Variants in CDC42EP4 observed in about 807,000 individuals in gnomAD.
The protein encoded by CDC42EP4 is CDC42 effector protein (Rho GTPase binding) 4.
Under a neutral mutation model 5.6 loss-of-function variants are expected in CDC42EP4, and 6 were observed. The observed-to-expected ratio is 1.07, with a 90% CI of 0.59 to 2.12. The LOEUF (loss-of-function observed/expected upper bound fraction) is 2.12. CDC42EP4 is among the 30% of genes most tolerant of loss of function. The pLI, the probability that CDC42EP4 is intolerant of heterozygous loss-of-function variation, is 0.00. For synonymous variants in CDC42EP4, 230 were observed against 224.2 expected, an observed-to-expected ratio of 1.03 and a Z score of -0.23; for missense variants, 490 against 508.6, an observed-to-expected ratio of 0.96 and a Z score of 0.35.
At chr17:73,305,400 C>T (rs1397443426) in intron 1 of CDC42EP4, among the ~76,000 whole-genome samples, 1 of 152,212 alleles carries the variant, frequency 6.6e-6, no homozygotes, top group Non-Finnish European at 1.5e-5. Context: ...GAGGAAAGTG[C>T]CGCGCTTGAA....
At chr17:73,303,489 C>T (rs966534312) in intron 1 of CDC42EP4, among the ~76,000 whole-genome samples, 8 of 152,040 alleles carry the variant, frequency 5.3e-5, no homozygotes, top group African/African-American at 1.9e-4. Flanking sequence ...TGGTGAGACC[C>T]TGTCTCTACT....
intron 1 of CDC42EP4, chr17:73,307,419 A>T (rs2062249058): frequency 6.7e-6 from 1 of 150,008 alleles, no homozygotes; most frequent in Non-Finnish European, 1.5e-5. Flanking sequence ...GGAATGTGGG[A>T]GACTAATGTC....
intron 1 of CDC42EP4, among the ~76,000 whole-genome samples, chr17:73,308,460 T>G (rs2062255937): frequency 6.6e-6 from 1 of 152,000 alleles, no homozygotes; most frequent in Admixed American, 6.6e-5. Flanking sequence ...CTCCTCTGAG[T>G]CTGCAGAACC....
intron 1 of CDC42EP4, chr17:73,307,298 C>A (rs766841639): frequency 1.3e-5 from 2 of 152,198 alleles, no homozygotes; most frequent in Non-Finnish European, 2.9e-5. Context: ...GAGCCCAGAG[C>A]TGCAAGCTGG....
At chr17:73,289,167 G>A (rs2062148473) in intron 1 of CDC42EP4, among the ~76,000 whole-genome samples, 1 of 152,162 alleles carries the variant, frequency 6.6e-6, no homozygotes, top group Non-Finnish European at 1.5e-5. Flanking sequence ...GGCTGATAGG[G>A]TTTTTGTCAC....
intron 1 of CDC42EP4, among the ~76,000 whole-genome samples, chr17:73,302,352 T>C (rs1402119376): frequency 6.6e-6 from 1 of 152,228 alleles, no homozygotes; most frequent in East Asian, 1.9e-4. Context: ...ACCACTGACA[T>C]GAAACATCTC....
At chr17:73,294,076 C>T (rs563787353) in intron 1 of CDC42EP4, among the ~76,000 whole-genome samples, 16 of 152,280 alleles carry the variant, frequency 1.1e-4, no homozygotes, top group Non-Finnish European at 1.5e-4. Flanking sequence ...CAAGGCCGGG[C>T]GTGGTGGCTC....
At position 73,286,377 on chromosome 17, in the gene CDC42EP4, G is replaced by A. The variant is rs138387953; in HGVS notation, c.124C>T (p.Arg42Trp). The A allele has an allele frequency of 6.2e-6, 10 of 1,613,950 alleles. No homozygotes were observed. Among genetic ancestry groups the A allele is most frequent in the East Asian group, 4.5e-5 (2 of 44,894 alleles). ...GDFRHTMHVG[R>W]AGDAFGDTSF... ...GTGTCCCCAAAGGCGTCTCCGGCCCGGCCAACGTGCATGGTGTGGCGGAAG... is the reference window on the plus strand; with the variant it reads ...GTGTCCCCAAAGGCGTCTCCGGCCCAGCCAACGTGCATGGTGTGGCGGAAG... The change falls in exon 2 of 2, where the codon CGG (arginine) becomes TGG (tryptophan). Residue 42 changes from arginine (R) to tryptophan (W), a missense_variant. Arg to Trp is a moderately radical substitution (Grantham distance 101). Coordinates refer to ENST00000335793, the MANE Select transcript of CDC42EP4 (RefSeq NM_012121.5). This position sits in a 1 kb window ranked among gnomAD's most constrained non-coding sequence, Gnocchi z 7.7.
chr17:73,305,998 C>T (rs1330207719), intron 1 of CDC42EP4, among the ~76,000 whole-genome samples: 5 of 152,280 alleles, frequency 3.3e-5, no homozygotes, highest in East Asian at 3.9e-4. Flanking sequence ...AGGAAACCCT[C>T]GGATCTGGTT....
intron 1 of CDC42EP4, among the ~76,000 whole-genome samples, chr17:73,290,918 G>A (rs942160021): frequency 1.3e-5 from 2 of 152,224 alleles, no homozygotes; most frequent in Non-Finnish European, 2.9e-5. Flanking sequence ...GAAGCTGCAG[G>A]TCACTGTGGC....
rs1462283076 is a variant in CDC42EP4 at position 73,284,717 on chromosome 17, T to C, written c.*713A>G. The C allele has an allele frequency of 6.6e-6, 1 of 152,248 alleles. No individual in the cohort carries two copies. The highest frequency in any genetic ancestry group is 2.4e-5 in the African/African-American group (1 of 41,464). The allele number at this position is 152,248 out of a possible 1,614,324, so 9.4% of individuals were successfully genotyped here. A position where few individuals can be genotyped will look rare whatever the true frequency, so the allele number is the denominator to read the frequency against. ...AAAGAACAAACAAGCCCCTAGGGACTGAGCGAGTGCCCTAGCCCTGTTCCT... is the reference window on the plus strand; with the variant it reads ...AAAGAACAAACAAGCCCCTAGGGACCGAGCGAGTGCCCTAGCCCTGTTCCT... On this transcript the variant is annotated 3_prime_UTR_variant, in exon 2 of 2. Transcript: ENST00000335793.
rs1276609139 is a variant in CDC42EP4, at chr17:73,294,818, C to CT, written c.-112-8207dup. Reference sequence around the variant, plus strand: ...ATCCCAGTGGATTTTCTTTTTCTTTCTTTTTTTTGAGACAGAGTTTCGCTC... The same window carrying CT: ...ATCCCAGTGGATTTTCTTTTTCTTTCTTTTTTTTTGAGACAGAGTTTCGCTC... On this transcript the variant is annotated intron_variant, in intron 1 of 1. Transcript: ENST00000335793. 4.0e-5 allele frequency among the ~76,000 whole-genome samples: 6 copies of CT among 151,688 alleles called. No individual in the cohort carries two copies. In the East Asian group the frequency reaches 7.8e-4, roughly 20 times the overall value.
intron 1 of CDC42EP4, among the ~76,000 whole-genome samples, chr17:73,290,715 G>A (rs2062157309): frequency 6.6e-6 from 1 of 152,198 alleles, no homozygotes. Context: ...GCAGGGAGGC[G>A]GGTGTGGATG....
intron 1 of CDC42EP4, among the ~76,000 whole-genome samples, chr17:73,308,816 C>G (rs987632068): frequency 2.6e-5 from 4 of 151,858 alleles, no homozygotes; most frequent in Non-Finnish European, 4.4e-5. Flanking sequence ...GGGTGGATTG[C>G]CTGAGTTCAG....
At chr17:73,296,126 C>G (rs1399970478) in intron 1 of CDC42EP4, among the ~76,000 whole-genome samples, 1 of 151,108 alleles carries the variant, frequency 6.6e-6, no homozygotes, top group Non-Finnish European at 1.5e-5. Context: ...TGGCTCACGC[C>G]TGTAATCCCA....
intron 1 of CDC42EP4, among the ~76,000 whole-genome samples, chr17:73,301,248 A>C (rs1004689403): frequency 6.6e-6 from 1 of 152,210 alleles, no homozygotes; most frequent in African/African-American, 2.4e-5. Context: ...ACTTGTTAAA[A>C]TGTAACTATT....
intron 1 of CDC42EP4, among the ~76,000 whole-genome samples, chr17:73,297,443 CAGCTTGGGCAATAG>C (rs1222075800): frequency 6.6e-6 from 1 of 151,836 alleles, no homozygotes; most frequent in East Asian, 1.9e-4. Flanking sequence ...CATTGCACTC[CAGCTTGGGCAATAG>C]AGTGAGACTC....
At chr17:73,310,743 TCACACACACACACA>T (rs57841496) in intron 1 of CDC42EP4, 26,688 of 134,554 alleles carry the variant, frequency 0.2, 2,757 homozygotes, top group Middle Eastern at 0.27. Flanking sequence ...CCTCCCCCAG[TCACACACACACACA>T]CACACACACA....
At chr17:73,308,139 C>G (rs879884521) in intron 1 of CDC42EP4, among the ~76,000 whole-genome samples, 2 of 152,298 alleles carry the variant, frequency 1.3e-5, no homozygotes, top group Non-Finnish European at 2.9e-5. Context: ...AGTTCCCTGC[C>G]GAGAGAGGGC....
Sources: gnomAD v4.1 joint callset for allele counts (sites outside exome capture counted in the v4.1 genomes callset) on GRCh38, gnomAD v4.1.1 for gene constraint, Gnocchi (gnomAD v3.1) non-coding constraint, MANE v1.5 for transcripts, NCBI Gene and HGNC (gene_info 2026-07-23, HGNC 2026-07-21) for gene names.